IL17B: variants seen among roughly 807,000 people sequenced by gnomAD.
IL17B encodes interleukin-17B.
In IL17B, 14 loss-of-function variants were observed where a neutral mutation model predicts 14.7. The ratio of observed to expected loss-of-function variants is 0.95; its 90% CI spans 0.63 to 1.49. The LOEUF is 1.49. Among genes scored for constraint, IL17B ranks in the 40% most tolerant of loss-of-function variants. The pLI is 0.00. For missense variants in IL17B, 233 were observed against 252.8 expected, an observed-to-expected ratio of 0.92 and a Z score of 0.53; for synonymous variants, 105 against 94.8, an observed-to-expected ratio of 1.11 and a Z score of -0.62.
At chr5:149,378,985 T>C (rs139647975) in intron 1 of IL17B, among the ~76,000 whole-genome samples, 1 of 152,250 alleles carries the variant, frequency 6.6e-6, no homozygotes, top group East Asian at 1.9e-4. Flanking sequence ...CTGAAAAGGC[T>C]TCAGTGTGCC....
At chr5:149,386,500 C>G (rs1758831059) in intron 1 of IL17B, among the ~76,000 whole-genome samples, 1 of 152,134 alleles carries the variant, frequency 6.6e-6, no homozygotes, top group African/African-American at 2.4e-5. Flanking sequence ...ATCTCTGTGG[C>G]CTGAACTGTT....
intron 1 of IL17B, among the ~76,000 whole-genome samples, chr5:149,400,905 C>T (rs940279281): frequency 6.6e-6 from 1 of 152,084 alleles, no homozygotes; most frequent in Non-Finnish European, 1.5e-5. Flanking sequence ...GAGAATTCAC[C>T]CCTCCTCCAC....
At chr5:149,379,407 C>T (rs555126243), upstream of IL17B, 23 of 683,604 alleles carry the variant, frequency 3.4e-5, no homozygotes, top group South Asian at 3.0e-4. Flanking sequence ...CTGAGCCTAG[C>T]GCAGTGGCAG....
chr5:149,388,955 A>G (rs1758884410), intron 1 of IL17B, among the ~76,000 whole-genome samples: 1 of 152,226 alleles, frequency 6.6e-6, no homozygotes, highest in South Asian at 2.1e-4. Flanking sequence ...GAAAGTACTG[A>G]CTTCACAGGT....
At chr5:149,387,205 C>A (rs530448241) in intron 1 of IL17B, among the ~76,000 whole-genome samples, 1 of 152,296 alleles carries the variant, frequency 6.6e-6, no homozygotes, top group South Asian at 2.1e-4. Flanking sequence ...TACAATGTCT[C>A]CAGAATGTGA....
At chr5:149,383,817 C>T (rs73795995), upstream of IL17B, among the ~76,000 whole-genome samples, 5,269 of 152,312 alleles carry the variant, frequency 0.035, 261 homozygotes, top group African/African-American at 0.11. Context: ...GCGTCTCCTC[C>T]CCACAGGGGG....
Position 149,379,154 on chromosome 5 carries a change from T to C in IL17B, c.21+51A>G, listed in dbSNP as rs758956849. The C allele has an allele frequency of 4.3e-6, 7 of 1,610,460 alleles. No individual in the cohort carries two copies. The African/African-American group carries it at 9.4e-5, about 22-fold the overall frequency. On this transcript the variant is annotated intron_variant, in intron 1 of 2. Transcript: ENST00000261796. ...AATAAATAGGAAAGAAAAACTGACA[T>C]ATTTGGGCTCTTAAAAAGGGGTGGG...
At chr5:149,402,982 T>C (rs1437370861) in intron 1 of IL17B, among the ~76,000 whole-genome samples, 1 of 128,666 alleles carries the variant, frequency 7.8e-6, no homozygotes, top group Non-Finnish European at 1.6e-5. Context: ...CAGCCTGGGT[T>C]ACACAGTGAG....
At chr5:149,377,790 C>T (rs1379881560) in intron 1 of IL17B, among the ~76,000 whole-genome samples, 1 of 142,040 alleles carries the variant, frequency 7.0e-6, no homozygotes, top group Non-Finnish European at 1.5e-5. Context: ...GAGTTGAAGT[C>T]TTGCAGGTGT....
upstream of IL17B, among the ~76,000 whole-genome samples, chr5:149,381,164 C>T (rs142191079): frequency 6.6e-6 from 1 of 152,336 alleles, no homozygotes; most frequent in East Asian, 1.9e-4. Context: ...TATGGGGGAC[C>T]CCTGAAACCA....
chr5:149,396,771 T>A (rs1759101079), intron 1 of IL17B, among the ~76,000 whole-genome samples: 1 of 151,942 alleles, frequency 6.6e-6, no homozygotes, highest in African/African-American at 2.4e-5. Flanking sequence ...TCAAAAAAAA[T>A]AAAAATAAAA....
chr5:149,382,034 C>T (rs1758711694), upstream of IL17B, among the ~76,000 whole-genome samples: 1 of 152,212 alleles, frequency 6.6e-6, no homozygotes, highest in African/African-American at 2.4e-5. Flanking sequence ...CAGGCCCCGC[C>T]AGGAGCAGTG....
intron 1 of IL17B, among the ~76,000 whole-genome samples, chr5:149,395,884 G>A (rs1759083185): frequency 6.6e-6 from 1 of 152,096 alleles, no homozygotes. Flanking sequence ...TGTTGGCCAG[G>A]CTGGTCTTGA....
chr5:149,375,431 C>T (rs2127616526), intron 2 of IL17B, among the ~76,000 whole-genome samples: 1 of 152,316 alleles, frequency 6.6e-6, no homozygotes, highest in Non-Finnish European at 1.5e-5. Context: ...GCTAGAAATG[C>T]AGAACCTCCT....
chr5:149,390,363 G>T (rs1231573983), intron 1 of IL17B, among the ~76,000 whole-genome samples: 5 of 151,808 alleles, frequency 3.3e-5, no homozygotes, highest in Admixed American at 1.3e-4. Flanking sequence ...AAGATGAAAG[G>T]CTCCCAGTCT....
intron 1 of IL17B, among the ~76,000 whole-genome samples, chr5:149,402,951 C>T (rs1309032298): frequency 7.2e-6 from 1 of 137,962 alleles, no homozygotes; most frequent in Non-Finnish European, 1.5e-5. Context: ...TGCAGTGAGC[C>T]GGGATCGCAC....
chr5:149,383,560 C>T (rs1156977329), upstream of IL17B, among the ~76,000 whole-genome samples: 3 of 152,192 alleles, frequency 2.0e-5, no homozygotes, highest in Non-Finnish European at 4.4e-5. Flanking sequence ...CCCTCCCCTC[C>T]CTCCCTGGTA....
At chr5:149,392,850 T>C (rs1445493951) in intron 1 of IL17B, among the ~76,000 whole-genome samples, 2 of 152,216 alleles carry the variant, frequency 1.3e-5, no homozygotes, top group East Asian at 1.9e-4. Flanking sequence ...AATAACGTCA[T>C]CTAGAAGTGA....
intron 1 of IL17B, among the ~76,000 whole-genome samples, chr5:149,400,323 C>A (rs184118384): frequency 6.6e-6 from 1 of 152,054 alleles, no homozygotes; most frequent in African/African-American, 2.4e-5. Context: ...GCCAGCAAGC[C>A]GCTAGAATCT....
Sources: gnomAD v4.1 joint callset for allele counts (sites outside exome capture counted in the v4.1 genomes callset) on GRCh38, gnomAD v4.1.1 for gene constraint, MANE v1.5 for transcripts, NCBI Gene and HGNC (gene_info 2026-07-23, HGNC 2026-07-21) for gene names.